ATR: variants seen among roughly 807,000 people sequenced by gnomAD.
The protein encoded by ATR is ATR checkpoint kinase.
In ATR, 142 loss-of-function variants were observed where a neutral mutation model predicts 305.3. The observed-to-expected ratio is 0.47, with a 90% CI of 0.41 to 0.53. ATR has a LOEUF of 0.53. Ranked by LOEUF, ATR falls within the 20% of genes least tolerant of loss-of-function variation. The pLI is 0.00. For synonymous variants in ATR, 1,050 were observed against 1,068.1 expected (o/e 0.98, Z 0.33); for missense variants, 2,135 against 3,133.1 (o/e 0.68, Z 7.60).
intron 39 of ATR, among the ~76,000 whole-genome samples, chr3:142,467,719 T>G (rs948247462): frequency 6.6e-6 from 1 of 152,100 alleles, no homozygotes; most frequent in African/African-American, 2.4e-5. Context: ...AGAAGAACTT[T>G]TAGAAATATT....
rs763944655 is a variant in ATR, at chr3:142,498,597, C to T, written c.5558G>A (p.Arg1853Lys). ...SYQRGYEYIV[R>K]LHMLCELEHS... is the part of the protein sequence containing the mutation. ...TATAAAAATGGAAATTCCAAAATAC[C>T]TCACAATATATTCATATCCTCGTTG... Residue 1853 changes from arginine (R) to lysine (K), a missense_variant and splice_region_variant, in exon 32 of 47, where the codon AGA (arginine) becomes AAA (lysine). By Grantham distance (26) the Arg-to-Lys change is conservative. This residue lies in a region of ATR where 117 missense variants were observed against 198.3 expected (regional missense o/e 0.59). Transcript: ENST00000350721. The T allele has an allele frequency of 6.2e-6, 10 of 1,612,662 alleles. No homozygotes were observed. The highest frequency in any genetic ancestry group is 8.5e-7 in the Non-Finnish European group (1 of 1,179,832).
intron 35 of ATR, among the ~76,000 whole-genome samples, chr3:142,490,068 T>C (rs2108320180): frequency 6.6e-6 from 1 of 152,348 alleles, no homozygotes; most frequent in Non-Finnish European, 1.5e-5. Flanking sequence ...TGTATTTTTT[T>C]TCTTTTAATA....
intron 33 of ATR, 126 bp downstream of exon 33, chr3:142,496,887 C>G: frequency 1.8e-6 from 2 of 1,108,570 alleles, no homozygotes; most frequent in Non-Finnish European, 1.3e-6. Context: ...ATAGTGTAGC[C>G]CTGATCATTA....
chr3:142,522,669 A>T (rs2108395125), intron 23 of ATR, 59 bp downstream of exon 23: 1 of 1,363,404 alleles, frequency 7.3e-7, no homozygotes, highest in Non-Finnish European at 1.0e-6. Context: ...TATAGAATTT[A>T]CAACGTTCTT....
At position 142,465,081 on chromosome 3, in the gene ATR, C is replaced by A. The variant is rs2108270711; in HGVS notation, c.7041+16G>T. On this transcript the variant is annotated intron_variant, in intron 41 of 46. Coordinates refer to ENST00000350721, the MANE Select transcript of ATR (RefSeq NM_001184.4). Reference sequence around the variant, plus strand: ...AAAAAATAAATAAATAAAATAAAAGCAAACTATCTCCCAACCTTATTAATC... The same window carrying A: ...AAAAAATAAATAAATAAAATAAAAGAAAACTATCTCCCAACCTTATTAATC... The A allele has an allele frequency of 7.1e-7, 1 of 1,406,066 alleles. No individual in the cohort carries two copies. Among genetic ancestry groups the A allele is most frequent in the African/African-American group, 1.5e-5 (1 of 67,458 alleles). The allele number at this position is 1,406,066 out of a possible 1,614,324, so 87.1% of individuals were successfully genotyped here. A position where few individuals can be genotyped will look rare whatever the true frequency, so the allele number is the denominator to read the frequency against.
chr3:142,558,906 C>T (rs35931665), intron 7 of ATR, 130 bp from the exon 8 acceptor site: 2 of 963,504 alleles, frequency 2.1e-6, no homozygotes, highest in African/African-American at 1.7e-5. Context: ...ACACAGAGAT[C>T]TATAAACGAT....
chr3:142,473,165 T>C (rs902240490), intron 36 of ATR, among the ~76,000 whole-genome samples: 4 of 152,236 alleles, frequency 2.6e-5, no homozygotes, highest in Non-Finnish European at 5.9e-5. Flanking sequence ...TCCAAAAAAA[T>C]TATTGCCCAA....
intron 7 of ATR, 65 bp downstream of exon 7, chr3:142,559,183 AAAG>A: frequency 6.5e-7 from 1 of 1,540,104 alleles, no homozygotes; most frequent in Non-Finnish European, 8.9e-7. Context: ...TTCAGGCAAA[AAAG>A]AAAGCATATT....
At chr3:142,457,502 C>A in intron 45 of ATR, 102 bp downstream of exon 45, 2 of 1,353,270 alleles carry the variant, frequency 1.5e-6, no homozygotes, top group South Asian at 1.3e-5. Flanking sequence ...AAAACTATTT[C>A]AGTCAGTACA....
At chr3:142,465,045 T>G in intron 41 of ATR, 52 bp downstream of exon 41, 5 of 1,219,526 alleles carry the variant, frequency 4.1e-6, no homozygotes, top group Non-Finnish European at 5.3e-6. Context: ...AGTCAAAAAT[T>G]TTTTTAAAAT....
chr3:142,500,647 AC>A (rs2031911667), intron 30 of ATR, among the ~76,000 whole-genome samples: 1 of 152,230 alleles, frequency 6.6e-6, no homozygotes, highest in South Asian at 2.1e-4. Context: ...TAAAGAAAAG[AC>A]AACAAGTGAT....
At position 142,558,639 on chromosome 3, in the gene ATR, TC is replaced by T; in HGVS notation, c.1869del (p.Ile624PhefsTer17). The T allele has an allele frequency of 6.2e-7, 1 of 1,612,710 alleles. No individual in the cohort carries two copies. Among genetic ancestry groups the T allele is most frequent in the Non-Finnish European group, 8.5e-7 (1 of 1,179,232 alleles). On this transcript the variant is annotated frameshift_variant, in exon 8 of 47. Coordinates refer to ENST00000350721, the MANE Select transcript of ATR (RefSeq NM_001184.4). LOFTEE classifies it high-confidence loss of function. ...FAANLLTLSC[R>X]ISDSYSPQAQ... ...GAGCACTTACAATAGCTATCTGAAA[TC>T]CTACAGCTTAATGTTAGAAGATTAG...
chr3:142,483,842 AAAATAAAATAAAATG>A (rs2030715112), intron 36 of ATR, among the ~76,000 whole-genome samples: 1 of 151,068 alleles, frequency 6.6e-6, no homozygotes, highest in Admixed American at 6.6e-5. Flanking sequence ...TAAAATAAAT[AAAATAAAATAAAATG>A]AAATAAAATA....
chr3:142,554,049 CATATT>C, intron 10 of ATR, 34 bp from the exon 11 acceptor site: 1 of 1,509,444 alleles, frequency 6.6e-7, no homozygotes, highest in Non-Finnish European at 9.1e-7. Context: ...CCTAATTTAA[CATATT>C]AAATGTCAAG....
intron 42 of ATR, among the ~76,000 whole-genome samples, chr3:142,460,729 C>A (rs1268872099): frequency 1.3e-5 from 2 of 152,114 alleles, no homozygotes; most frequent in Non-Finnish European, 2.9e-5. Context: ...TTCTACTTCA[C>A]TTTGACAACT....
intron 24 of ATR, among the ~76,000 whole-genome samples, chr3:142,517,890 T>C (rs1343922779): frequency 6.6e-6 from 1 of 152,250 alleles, no homozygotes; most frequent in East Asian, 1.9e-4. Flanking sequence ...GTCAACTAAA[T>C]ATCAGGCACT....
At chr3:142,471,564 G>GT (rs1559914761) in intron 36 of ATR, among the ~76,000 whole-genome samples, 1 of 151,946 alleles carries the variant, frequency 6.6e-6, no homozygotes, top group East Asian at 1.9e-4. Context: ...GAGCTAGCAG[G>GT]TTTTTTTAAA....
intron 16 of ATR, among the ~76,000 whole-genome samples, chr3:142,544,955 C>G (rs2034210900): frequency 6.6e-6 from 1 of 152,176 alleles, no homozygotes; most frequent in African/African-American, 2.4e-5. Context: ...CCACAATTCA[C>G]TAATTGTATG....
chr3:142,559,376 G>C lies in ATR; in HGVS notation c.1607C>G (p.Ser536Ter), dbSNP rs2108480191. ...KKPSVVITWM[S>*]LDFYTKVLKS... ...AAGCACTTTTGTGTAAAAATCCAAT[G>C]ACATCCAAGTTATCACTACAGAAGG... Residue 536 changes from serine to a stop codon, truncating the protein, a stop_gained, in exon 7 of 47, where the codon TCA (serine) becomes TGA (stop). Transcript: ENST00000350721. LOFTEE classifies it high-confidence loss of function. 1 of 1,613,828 alleles carries C rather than the reference G, an allele frequency of 6.2e-7. No homozygotes were observed. Among genetic ancestry groups the C allele is most frequent in the Admixed American group, 1.7e-5 (1 of 60,010 alleles).
Sources: gnomAD v4.1 joint callset for allele counts (sites outside exome capture counted in the v4.1 genomes callset) on GRCh38, gnomAD v4.1.1 for gene constraint, gnomAD v4.1.1 regional missense constraint, MANE v1.5 for transcripts, NCBI Gene and HGNC (gene_info 2026-07-23, HGNC 2026-07-21) for gene names.